Variants in NR6A1 observed in about 807,000 individuals in gnomAD.
The protein encoded by NR6A1 is retinoic acid receptor-related testis-associated receptor.
A neutral mutation model predicts 59.1 loss-of-function variants in NR6A1; 7 were observed. The observed-to-expected ratio is 0.12, with a 90% CI of 0.07 to 0.22. The LOEUF (loss-of-function observed/expected upper bound fraction) is 0.22. Among genes scored for constraint, NR6A1 ranks in the 10% least tolerant of loss-of-function variants. NR6A1 has a pLI of 1.00. For synonymous variants in NR6A1, 243 were observed against 236.1 expected, an observed-to-expected ratio of 1.03 and a Z score of -0.27; for missense variants, 468 against 611.6, an observed-to-expected ratio of 0.77 and a Z score of 2.48.
At chr9:124,526,702 G>A (rs1034159521) in intron 8 of NR6A1, 77 bp downstream of exon 8, 4 of 1,582,996 alleles carry the variant, frequency 2.5e-6, no homozygotes, top group East Asian at 2.3e-5. Flanking sequence ...GGGTAAGGAG[G>A]GGTGAAACAG....
intron 7 of NR6A1, among the ~76,000 whole-genome samples, chr9:124,534,011 A>T (rs577158780): frequency 2.7e-4 from 41 of 151,100 alleles, no homozygotes; most frequent in African/African-American, 8.0e-4. Flanking sequence ...AGTATTTTGA[A>T]TTGGCCAATA....
At chr9:124,717,079 G>C (rs1167993901) in intron 2 of NR6A1, among the ~76,000 whole-genome samples, 17 of 152,296 alleles carry the variant, frequency 1.1e-4, no homozygotes, top group African/African-American at 4.1e-4. Flanking sequence ...GCTCACTAGA[G>C]TGACTAAAAT....
intron 9 of NR6A1, among the ~76,000 whole-genome samples, chr9:124,523,261 AG>A (rs1307829129): frequency 2.0e-5 from 3 of 152,346 alleles, no homozygotes; most frequent in African/African-American, 7.2e-5. Flanking sequence ...TAAAAGTACT[AG>A]GGGAAAAAGA....
chr9:124,646,292 A>C (rs564511287), intron 2 of NR6A1, among the ~76,000 whole-genome samples: 5 of 152,258 alleles, frequency 3.3e-5, no homozygotes, highest in Middle Eastern at 3.4e-3. Context: ...GCAATAAAGA[A>C]AATTAACAAA....
At chr9:124,714,740 T>C (rs766815443) in intron 2 of NR6A1, among the ~76,000 whole-genome samples, 24 of 151,884 alleles carry the variant, frequency 1.6e-4, no homozygotes, top group Non-Finnish European at 3.1e-4. Context: ...TAGCAACAAT[T>C]GGAAAATAAA....
At chr9:124,564,634 C>T (rs1834180409) in intron 2 of NR6A1, among the ~76,000 whole-genome samples, 1 of 151,928 alleles carries the variant, frequency 6.6e-6, no homozygotes, top group African/African-American at 2.4e-5. Flanking sequence ...AGAGTCATTA[C>T]AGTAGAGGTC....
chr9:124,535,123 CA>C (rs968183098), intron 7 of NR6A1, among the ~76,000 whole-genome samples: 15 of 146,480 alleles, frequency 1.0e-4, no homozygotes, highest in South Asian at 2.2e-4. Context: ...GACACCGTCT[CA>C]AAAAAAAAAA....
chr9:124,765,198 G>A (rs1840896481), intron 1 of NR6A1, among the ~76,000 whole-genome samples: 3 of 152,138 alleles, frequency 2.0e-5, no homozygotes, highest in Admixed American at 2.0e-4. Context: ...AATGCTGATG[G>A]AGAAACCACA....
chr9:124,724,893 T>C (rs987469139), intron 2 of NR6A1, among the ~76,000 whole-genome samples: 1 of 152,228 alleles, frequency 6.6e-6, no homozygotes, highest in Non-Finnish European at 1.5e-5. Flanking sequence ...CAGCCTTTAT[T>C]GGGAAGCCCC....
At chr9:124,629,409 TTTC>T (rs72324137) in intron 2 of NR6A1, among the ~76,000 whole-genome samples, 73,225 of 151,818 alleles carry the variant, frequency 0.48, 17,817 homozygotes, top group Admixed American at 0.59. Flanking sequence ...TCAAAACACA[TTTC>T]TTCTTCATCT....
At chr9:124,733,204 TCAA>T (rs1839931786) in intron 2 of NR6A1, 101 bp downstream of exon 2, 1 of 799,684 alleles carries the variant, frequency 1.3e-6, no homozygotes, top group South Asian at 1.6e-5. Context: ...AATCTGAGAG[TCAA>T]TAAAGTAAGG....
chr9:124,733,203 G>C (rs1010914734), intron 2 of NR6A1, 105 bp downstream of exon 2: 5 of 801,562 alleles, frequency 6.2e-6, no homozygotes, highest in Non-Finnish European at 8.5e-6. Context: ...AAATCTGAGA[G>C]TCAATAAAGT....
At chr9:124,742,143 A>G (rs1002823896) in intron 1 of NR6A1, among the ~76,000 whole-genome samples, 8 of 152,202 alleles carry the variant, frequency 5.3e-5, no homozygotes, top group African/African-American at 1.7e-4. Flanking sequence ...TTTTTATCCT[A>G]TAGGCAACAG....
At chr9:124,724,206 T>A (rs1434046348) in intron 2 of NR6A1, among the ~76,000 whole-genome samples, 1 of 151,948 alleles carries the variant, frequency 6.6e-6, no homozygotes, top group Non-Finnish European at 1.5e-5. Flanking sequence ...TAGTATAGAT[T>A]CCTAATTATG....
chr9:124,624,917 T>TG (rs1272248395), intron 2 of NR6A1, among the ~76,000 whole-genome samples: 5 of 151,394 alleles, frequency 3.3e-5, no homozygotes, highest in African/African-American at 7.3e-5. Flanking sequence ...AGCTTGTTTT[T>TG]TTTTTTTTTT....
chr9:124,641,630 G>A (rs778343677), intron 2 of NR6A1, among the ~76,000 whole-genome samples: 9 of 152,166 alleles, frequency 5.9e-5, no homozygotes, highest in Non-Finnish European at 2.9e-5. Flanking sequence ...CCTGGAGTTC[G>A]AGGCTGCAGT....
chr9:124,532,619 G>A (rs1833133727), intron 7 of NR6A1, among the ~76,000 whole-genome samples: 2 of 152,158 alleles, frequency 1.3e-5, no homozygotes, highest in Non-Finnish European at 2.9e-5. Context: ...AAGTTTAACT[G>A]TTATTTTTGC....
chr9:124,635,871 G>C (rs1836596572), intron 2 of NR6A1, among the ~76,000 whole-genome samples: 1 of 152,158 alleles, frequency 6.6e-6, no homozygotes, highest in African/African-American at 2.4e-5. Context: ...CAATTAACTT[G>C]GGTTAATCAA....
At chr9:124,694,207 TATC>T (rs1329305030) in intron 2 of NR6A1, among the ~76,000 whole-genome samples, 2 of 152,170 alleles carry the variant, frequency 1.3e-5, no homozygotes, top group African/African-American at 4.8e-5. Flanking sequence ...AGATAATAAA[TATC>T]ATAACTAGAA....
Sources: allele counts gnomAD v4.1 joint callset (sites outside exome capture counted in the v4.1 genomes callset), GRCh38; gene constraint gnomAD v4.1.1; transcripts MANE v1.5; gene names NCBI Gene and HGNC (gene_info 2026-07-23, HGNC 2026-07-21).